Variants in GPC6 observed in about 807,000 individuals in gnomAD.
GPC6 encodes the protein glypican-6.
A neutral mutation model predicts 55.2 loss-of-function variants in GPC6; 14 were observed. That is an observed-to-expected ratio of 0.25 (90% CI 0.17 to 0.40). The LOEUF (loss-of-function observed/expected upper bound fraction) is 0.40. Among genes scored for constraint, GPC6 ranks in the 10% least tolerant of loss-of-function variants. GPC6 has a pLI of 1.00. For missense variants in GPC6, 641 were observed against 708.5 expected, an observed-to-expected ratio of 0.90 and a Z score of 1.08; for synonymous variants, 278 against 259.6, an observed-to-expected ratio of 1.07 and a Z score of -0.68.
chr13:93,328,409 C>G (rs1879729264), intron 1 of GPC6, among the ~76,000 whole-genome samples: 1 of 152,118 alleles, frequency 6.6e-6, no homozygotes, highest in African/African-American at 2.4e-5. Context: ...TGCTGTGGCT[C>G]ACTCCTGTAA....
chr13:93,973,041 T>G (rs1880357139), intron 3 of GPC6, among the ~76,000 whole-genome samples: 1 of 151,990 alleles, frequency 6.6e-6, no homozygotes, highest in Non-Finnish European at 1.5e-5. Context: ...AAGAGTCCAC[T>G]GCACTACAGG....
chr13:93,366,827 T>G (rs1881268267), intron 1 of GPC6, among the ~76,000 whole-genome samples: 1 of 152,102 alleles, frequency 6.6e-6, no homozygotes. Flanking sequence ...TTTTTTGCTC[T>G]GATTTATGAA....
At chr13:94,069,188 T>C (rs1295513111) in intron 4 of GPC6, among the ~76,000 whole-genome samples, 1 of 152,156 alleles carries the variant, frequency 6.6e-6, no homozygotes, top group Non-Finnish European at 1.5e-5. Flanking sequence ...ACTTGCAGGC[T>C]CAACACCACA....
At chr13:94,171,994 AT>A (rs200359371) in intron 4 of GPC6, among the ~76,000 whole-genome samples, 9 of 151,622 alleles carry the variant, frequency 5.9e-5, no homozygotes, top group African/African-American at 2.4e-5. Context: ...AGCATTTTCA[AT>A]TTTTTTTTAG....
At chr13:93,401,827 T>C (rs1876096955) in intron 1 of GPC6, among the ~76,000 whole-genome samples, 1 of 151,838 alleles carries the variant, frequency 6.6e-6, no homozygotes, top group South Asian at 2.1e-4. Context: ...TTGGTTAATA[T>C]CCATTAACAC....
chr13:94,380,673 C>A (rs1446806169), intron 6 of GPC6, among the ~76,000 whole-genome samples: 2 of 152,150 alleles, frequency 1.3e-5, no homozygotes, highest in Non-Finnish European at 2.9e-5. Flanking sequence ...GTACAGTATT[C>A]TCCTGTGTTA....
chr13:93,346,446 T>C (rs1263970234), intron 1 of GPC6, among the ~76,000 whole-genome samples: 1 of 152,202 alleles, frequency 6.6e-6, no homozygotes, highest in Non-Finnish European at 1.5e-5. Context: ...TGTTGACTTC[T>C]CCATGCTTTA....
At chr13:93,795,978 G>A (rs962183160) in intron 2 of GPC6, among the ~76,000 whole-genome samples, 2 of 151,762 alleles carry the variant, frequency 1.3e-5, no homozygotes, top group Admixed American at 6.6e-5. Flanking sequence ...GAGACCAGGA[G>A]TTCAAGACCA....
At chr13:93,231,371 A>ATG (rs1876024799) in intron 1 of GPC6, among the ~76,000 whole-genome samples, 13 of 17,056 alleles carry the variant, frequency 7.6e-4, no homozygotes, top group African/African-American at 3.8e-3. Context: ...GTATATATAT[A>ATG]TATATATACA....
chr13:94,206,228 T>C (rs916706824), intron 4 of GPC6, among the ~76,000 whole-genome samples: 5 of 152,360 alleles, frequency 3.3e-5, no homozygotes, highest in African/African-American at 1.2e-4. Context: ...TGCTTTTCTA[T>C]GAGAAGAAAT....
chr13:94,153,192 C>T (rs1887806539), intron 4 of GPC6, among the ~76,000 whole-genome samples: 1 of 151,986 alleles, frequency 6.6e-6, no homozygotes, highest in Non-Finnish European at 1.5e-5. Context: ...CTAGAGATTG[C>T]CCCCACTTCT....
chr13:94,340,664 G>C (rs1877987663), intron 6 of GPC6, among the ~76,000 whole-genome samples: 1 of 152,170 alleles, frequency 6.6e-6, no homozygotes. Flanking sequence ...ACTTTAAATA[G>C]TGTCATGGTA....
At chr13:94,331,305 C>T (rs1014814812) in intron 6 of GPC6, among the ~76,000 whole-genome samples, 7 of 152,148 alleles carry the variant, frequency 4.6e-5, no homozygotes, top group African/African-American at 1.4e-4. Context: ...TTAGTCATCT[C>T]GATAGAGACC....
chr13:93,714,020 C>G (rs1383137291), intron 2 of GPC6, among the ~76,000 whole-genome samples: 3 of 151,716 alleles, frequency 2.0e-5, no homozygotes, highest in Non-Finnish European at 2.9e-5. Flanking sequence ...TGTTCATCAG[C>G]CTTGAGAAAG....
At chr13:94,083,190 G>C (rs768076840) in intron 4 of GPC6, among the ~76,000 whole-genome samples, 22 of 152,164 alleles carry the variant, frequency 1.4e-4, no homozygotes, top group South Asian at 4.2e-4. Context: ...GCAATCTCGG[G>C]TCACTGCAAG....
At chr13:93,356,081 G>A (rs1880840414) in intron 1 of GPC6, among the ~76,000 whole-genome samples, 1 of 152,168 alleles carries the variant, frequency 6.6e-6, no homozygotes, top group African/African-American at 2.4e-5. Context: ...GCATGTACAA[G>A]TAGGAATTTT....
At chr13:93,813,643 C>G (rs958140905) in intron 2 of GPC6, among the ~76,000 whole-genome samples, 4 of 151,628 alleles carry the variant, frequency 2.6e-5, no homozygotes, top group Non-Finnish European at 1.5e-5. Context: ...AATGGGATGA[C>G]CATGATATTT....
intron 4 of GPC6, among the ~76,000 whole-genome samples, chr13:94,209,745 T>A (rs972589306): frequency 1.3e-5 from 2 of 152,148 alleles, no homozygotes; most frequent in Non-Finnish European, 2.9e-5. Flanking sequence ...AGAAAATAAA[T>A]GACTAAAGAT....
intron 4 of GPC6, among the ~76,000 whole-genome samples, chr13:94,156,348 G>A (rs1887935895): frequency 6.6e-6 from 1 of 152,016 alleles, no homozygotes; most frequent in African/African-American, 2.4e-5. Flanking sequence ...TCTGAAAGGG[G>A]TAATGAATAT....
Sources: allele counts gnomAD v4.1 joint callset (sites outside exome capture counted in the v4.1 genomes callset), GRCh38; gene constraint gnomAD v4.1.1; transcripts MANE v1.5; gene names NCBI Gene and HGNC (gene_info 2026-07-23, HGNC 2026-07-21).